CERT1: variants seen among roughly 807,000 people sequenced by gnomAD.
The protein encoded by CERT1 is ceramide transporter 1, also known as ceramide transfer protein.
In CERT1, 31 loss-of-function variants were observed where a neutral mutation model predicts 87.9. That is an observed-to-expected ratio of 0.35 (90% CI 0.27 to 0.48). The LOEUF (loss-of-function observed/expected upper bound fraction) is 0.48. Ranked by LOEUF, CERT1 falls within the 20% of genes least tolerant of loss-of-function variation. CERT1 has a pLI of 0.99. For missense variants in CERT1, 487 were observed against 758.0 expected, an observed-to-expected ratio of 0.64 and a Z score of 4.20; for synonymous variants, 289 against 250.9, an observed-to-expected ratio of 1.15 and a Z score of -1.44.
chr5:75,383,192 T>C (rs1197293300), intron 14 of CERT1, among the ~76,000 whole-genome samples: 1 of 152,100 alleles, frequency 6.6e-6, no homozygotes, highest in African/African-American at 2.4e-5. Flanking sequence ...TATAGTTACA[T>C]ACACTGCGAA....
chr5:75,446,859 G>A (rs980530195), intron 3 of CERT1, among the ~76,000 whole-genome samples: 1 of 152,166 alleles, frequency 6.6e-6, no homozygotes. Context: ...AAAAGGAAAA[G>A]GAGAAAAGTT....
chr5:75,371,607 T>C (rs1405484602), intron 17 of CERT1: 2 of 152,260 alleles, frequency 1.3e-5, no homozygotes, highest in African/African-American at 4.8e-5. Flanking sequence ...ACTGCAGTGA[T>C]CATCCTCTAC....
chr5:75,410,879 G>T, intron 8 of CERT1, 132 bp downstream of exon 8: 1 of 479,154 alleles, frequency 2.1e-6, no homozygotes, highest in Non-Finnish European at 3.6e-6. Context: ...AATATACACT[G>T]AATTAACATA....
chr5:75,464,453 C>T (rs765832578), intron 2 of CERT1, among the ~76,000 whole-genome samples: 2 of 152,128 alleles, frequency 1.3e-5, no homozygotes, highest in Non-Finnish European at 2.9e-5. Flanking sequence ...ATGGGGGATG[C>T]GGGTGAAGGC....
rs539384651 is a variant in CERT1, at chr5:75,392,831, G to A, written c.1189-3144C>T. Among the ~76,000 whole-genome samples, 168 of 151,570 alleles carry A rather than the reference G, an allele frequency of 1.1e-3. No homozygotes were observed. The Middle Eastern group carries it at 0.014, about 12-fold the overall frequency. On this transcript the variant is annotated intron_variant, in intron 11 of 16. Transcript: ENST00000643780. ...AAAAATACAAAAAAATTGGCCGGGC[G>A]TGGTGGTGGGTGCCTGTAGTCCCAG...
chr5:75,498,113 G>T (rs1474796376), intron 2 of CERT1, among the ~76,000 whole-genome samples: 1 of 152,174 alleles, frequency 6.6e-6, no homozygotes, highest in East Asian at 1.9e-4. Context: ...CTGCCCTAGA[G>T]ATCTATGGAA....
Position 75,459,046 on chromosome 5 carries a change from T to A in CERT1, c.348+19A>T, listed in dbSNP as rs896329915. Reference sequence around the variant, plus strand: ...TCTTACCTAGTCCTCCATGGACAGGTAAACATTAGGGATCTTACCTTGTGC... The same window carrying A: ...TCTTACCTAGTCCTCCATGGACAGGAAAACATTAGGGATCTTACCTTGTGC... On this transcript the variant is annotated intron_variant, in intron 3 of 16. Coordinates refer to ENST00000643780, the MANE Select transcript of CERT1 (RefSeq NM_001379029.1). The A allele has an allele frequency of 5.5e-6, 8 of 1,445,834 alleles. No individual in the cohort carries two copies. Among genetic ancestry groups the A allele is most frequent in the Non-Finnish European group, 7.8e-6 (8 of 1,028,226 alleles). 89.6% of individuals were successfully genotyped at this position (1,445,834 alleles called of 1,614,324 possible).
chr5:75,396,534 C>T (rs1762260980), intron 11 of CERT1, among the ~76,000 whole-genome samples: 2 of 151,892 alleles, frequency 1.3e-5, no homozygotes, highest in Admixed American at 1.3e-4. Context: ...CGAGACCAGC[C>T]TGGCCAACAT....
chr5:75,501,001 T>G (rs2112458750), intron 2 of CERT1, among the ~76,000 whole-genome samples: 1 of 151,978 alleles, frequency 6.6e-6, no homozygotes, highest in African/African-American at 2.4e-5. Flanking sequence ...TTTGTTTTTT[T>G]TTTTTGAGAC....
chr5:75,499,373 T>C (rs1244839068), intron 2 of CERT1, among the ~76,000 whole-genome samples: 1 of 152,138 alleles, frequency 6.6e-6, no homozygotes, highest in East Asian at 1.9e-4. Context: ...GTAGTTCCCA[T>C]AATCCCCATG....
At chr5:75,501,644 A>G (rs911737366) in intron 2 of CERT1, among the ~76,000 whole-genome samples, 20 of 152,226 alleles carry the variant, frequency 1.3e-4, no homozygotes, top group Non-Finnish European at 2.4e-4. Context: ...AGAGGATAAG[A>G]AGGACAAGCC....
intron 3 of CERT1, among the ~76,000 whole-genome samples, chr5:75,437,771 A>AG (rs1302755201): frequency 6.9e-6 from 1 of 144,484 alleles, no homozygotes. Context: ...GTCTCATTAA[A>AG]AAAAAAAAAA....
chr5:75,452,457 CA>C lies in CERT1; in HGVS notation c.348+6607del, dbSNP rs1449780269. Among the ~76,000 whole-genome samples the C allele has an allele frequency of 2.0e-5, 3 of 152,096 alleles. No individual in the cohort carries two copies. In the East Asian group the frequency reaches 5.8e-4, roughly 29 times the overall value. Reference sequence around the variant, plus strand: ...AAATGATTTTTAAATCTCTTAGCGTCAGGAAAGCCTTCGTGCTAGTTTTAGG... The same window carrying C: ...AAATGATTTTTAAATCTCTTAGCGTCGGAAAGCCTTCGTGCTAGTTTTAGG... On this transcript the variant is annotated intron_variant, in intron 3 of 16. Coordinates refer to ENST00000643780, the MANE Select transcript of CERT1 (RefSeq NM_001379029.1).
chr5:75,409,397 C>T (rs1387595517), intron 8 of CERT1, among the ~76,000 whole-genome samples: 1 of 152,182 alleles, frequency 6.6e-6, no homozygotes, highest in Non-Finnish European at 1.5e-5. Context: ...TTTAGTTTTC[C>T]TTTCTAGAGC....
intron 3 of CERT1, among the ~76,000 whole-genome samples, chr5:75,428,305 A>G (rs928569538): frequency 6.9e-6 from 1 of 144,660 alleles, no homozygotes; most frequent in Non-Finnish European, 1.5e-5. Context: ...GTGGCACCCA[A>G]TCAAAAAAAA....
chr5:75,381,807 T>G, intron 15 of CERT1, 142 bp downstream of exon 15: 1 of 775,990 alleles, frequency 1.3e-6, no homozygotes, highest in Non-Finnish European at 2.1e-6. Context: ...GCTATACTGT[T>G]CCTAGCAGTC....
At chr5:75,412,357 A>T (rs1369184526) in intron 7 of CERT1, among the ~76,000 whole-genome samples, 1 of 152,208 alleles carries the variant, frequency 6.6e-6, no homozygotes, top group Non-Finnish European at 1.5e-5. Context: ...GGCTACAGGA[A>T]ATGTAAACAG....
chr5:75,484,642 A>G (rs1766421267), intron 2 of CERT1, among the ~76,000 whole-genome samples: 1 of 152,130 alleles, frequency 6.6e-6, no homozygotes, highest in East Asian at 1.9e-4. Flanking sequence ...AGAAATAAGA[A>G]GGTCGTTACA....
intron 3 of CERT1, among the ~76,000 whole-genome samples, chr5:75,451,866 C>G (rs1444692723): frequency 6.6e-6 from 1 of 152,050 alleles, no homozygotes; most frequent in East Asian, 1.9e-4. Flanking sequence ...CTGACTCTGA[C>G]AGAGCATGGG....
Sources: allele counts gnomAD v4.1 joint callset (sites outside exome capture counted in the v4.1 genomes callset), GRCh38; gene constraint gnomAD v4.1.1; transcripts MANE v1.5; gene names NCBI Gene and HGNC (gene_info 2026-07-23, HGNC 2026-07-21).